Variants in PGLYRP2 observed in about 807,000 individuals in gnomAD.
PGLYRP2 encodes peptidoglycan recognition protein 2, also known as N-acetylmuramoyl-L-alanine amidase.
A neutral mutation model predicts 46.2 loss-of-function variants in PGLYRP2; 38 were observed. The ratio of observed to expected loss-of-function variants is 0.82; its 90% CI spans 0.64 to 1.08. PGLYRP2 has a LOEUF of 1.08. Among genes scored for constraint, PGLYRP2 ranks in the 50% least tolerant of loss-of-function variants. The probability of loss-of-function intolerance (pLI) is 0.00; values close to 1 mark genes in which losing one functional copy is unlikely to be tolerated. For synonymous variants in PGLYRP2, 289 were observed against 329.4 expected (o/e 0.88, Z 1.33); for missense variants, 713 against 755.9 (o/e 0.94, Z 0.67).
Position 15,479,304 on chromosome 19 carries a change from G to A in PGLYRP2, c.61+7C>T, listed in dbSNP as rs1241188283. ...GTTTGGTCCCAGGACTCTGCCCCCT[G>A]ACTCACCTGTCCCTGGGTCTGACCA... On this transcript the variant is annotated splice_region_variant and intron_variant, in intron 1 of 4. Transcript: ENST00000340880. The A allele has an allele frequency of 1.2e-6, 2 of 1,614,024 alleles. No individual in the cohort carries two copies. The highest frequency in any genetic ancestry group is 1.7e-5 in the Admixed American group (1 of 60,002).
Position 15,469,300 on chromosome 19 carries a change from A to C in PGLYRP2, c.1641+332T>G. ...TAGAGAAGTCATGAAGGCCAGGCTG[A>C]GGTTGTGAGGGCAGAGGGGCTGTTG... On this transcript the variant is annotated intron_variant, in intron 4 of 4. Transcript: ENST00000340880. This position sits in a 1 kb window ranked among gnomAD's most constrained non-coding sequence, Gnocchi z 4.9. The C allele has an allele frequency of 1.6e-6, 1 of 619,096 alleles. No individual in the cohort carries two copies. Among genetic ancestry groups the C allele is most frequent in the Admixed American group, 2.6e-5 (1 of 38,172 alleles). 38.4% of individuals were successfully genotyped at this position (619,096 alleles called of 1,614,324 possible). A position where few individuals can be genotyped will look rare whatever the true frequency, so the allele number is the denominator to read the frequency against.
chr19:15,476,661 T>C (rs1560727), intron 1 of PGLYRP2, 53 bp from the exon 2 acceptor site: 333,743 of 1,413,634 alleles, frequency 0.24, 41,418 homozygotes, highest in African/African-American at 0.39. Flanking sequence ...TGAGCCTCCT[T>C]GTATTGATTC....
chr19:15,475,755 C>T lies in PGLYRP2; in HGVS notation c.915G>A (p.Gly305=). 6.2e-7 allele frequency: 1 copy of T among 1,614,056 alleles called. No homozygotes were observed. The highest frequency in any genetic ancestry group is 1.1e-5 in the South Asian group (1 of 91,086). The change falls in exon 2 of 5, where the codon GGG becomes GGA. Residue 305 remains glycine (G), a synonymous_variant. Coordinates refer to ENST00000340880, the MANE Select transcript of PGLYRP2 (RefSeq NM_052890.4). Reference sequence around the variant, plus strand: ...ACCCTGGGTCTCTGGCCACCCCAGCCCCATAGTACTGGCTCAGCAAGTGGC... The same window carrying T: ...ACCCTGGGTCTCTGGCCACCCCAGCTCCATAGTACTGGCTCAGCAAGTGGC... The part of the protein sequence containing the change: ...SLSHLLSQYY[G]AGVARDPGFR...
intron 3 of PGLYRP2, among the ~76,000 whole-genome samples, chr19:15,471,267 C>A (rs894052336): frequency 6.6e-6 from 1 of 152,082 alleles, no homozygotes; most frequent in Non-Finnish European, 1.5e-5. Context: ...CACCCGCCAT[C>A]ACGCCTGGCT....
chr19:15,470,077 T>C, intron 3 of PGLYRP2, 148 bp from the exon 4 acceptor site: 1 of 807,150 alleles, frequency 1.2e-6, no homozygotes, highest in Non-Finnish European at 1.7e-6. Context: ...TCCAGCTCTG[T>C]TCCACTCTCA....
chr19:15,479,412 C>A lies in PGLYRP2; in HGVS notation c.-41G>T. The A allele has an allele frequency of 6.2e-7, 1 of 1,602,360 alleles. No homozygotes were observed. The highest frequency in any genetic ancestry group is 8.5e-7 in the Non-Finnish European group (1 of 1,172,424). On this transcript the variant is annotated 5_prime_UTR_variant, in exon 1 of 5. Transcript: ENST00000340880. ...GCTTCCAAGGGGTATTTCTGGTTGG[C>A]CTCGGCAGAGAACCTCGGCAGTGCT...
Position 15,475,816 on chromosome 19 carries a change from T to C in PGLYRP2, c.854A>G (p.Tyr285Cys). 4.3e-6 allele frequency: 7 copies of C among 1,613,960 alleles called. No homozygotes were observed. The highest frequency in any genetic ancestry group is 5.9e-6 in the Non-Finnish European group (7 of 1,179,992). Residue 285 changes from tyrosine to cysteine, a missense_variant, in exon 2 of 5, where the codon TAC becomes TGC. Coordinates refer to ENST00000340880, the MANE Select transcript of PGLYRP2 (RefSeq NM_052890.4). ...CCGGGGCTCAGGAGTCCGGCTCAGG[T>C]AGTCTCCAAGGATGACCCCATCCAG... ...GALDGVILGD[Y>C]LSRTPEPRPS... is the part of the protein sequence containing the mutation.
chr19:15,471,950 T>C lies in PGLYRP2; in HGVS notation c.1283A>G (p.Asn428Ser), dbSNP rs1451268785. The C allele has an allele frequency of 2.5e-6, 4 of 1,614,006 alleles. No homozygotes were observed. Among genetic ancestry groups the C allele is most frequent in the African/African-American group, 2.7e-5 (2 of 74,954 alleles). ...PCTDFTRCAA[N>S]MRSMQRYHQD... ...GTGGTAGCGCTGCATGGAGCGCATG[T>C]TGGCTGCGCAGCGCGTGAAGTCCGT... Residue 428 changes from asparagine to serine, a missense_variant, in exon 3 of 5, where the codon AAC becomes AGC. By Grantham distance (46) the Asn-to-Ser change is conservative. Transcript: ENST00000340880.
At chr19:15,474,784 C>G (rs977366858) in intron 2 of PGLYRP2, among the ~76,000 whole-genome samples, 1 of 151,938 alleles carries the variant, frequency 6.6e-6, no homozygotes, top group Non-Finnish European at 1.5e-5. Flanking sequence ...GTCAGGAGAT[C>G]GAGACCACCC....
Position 15,470,282 on chromosome 19 carries a change from TTCCTTCCTTCC to T in PGLYRP2, c.1344-364_1344-354del, listed in dbSNP as rs1568340251. Reference sequence around the variant, plus strand: ...CTTCCTTCCTTCCTTCCTTCCTTCCTTCCTTCCTTCCTTCTTTCTTTCTTTCTTTTTTTGAT... The same window carrying T: ...CTTCCTTCCTTCCTTCCTTCCTTCCTTTCTTTCTTTCTTTCTTTTTTTGAT... On this transcript the variant is annotated intron_variant, in intron 3 of 4. Coordinates refer to ENST00000340880, the MANE Select transcript of PGLYRP2 (RefSeq NM_052890.4). 9.7e-5 allele frequency among the ~76,000 whole-genome samples: 13 copies of T among 134,170 alleles called. No individual in the cohort carries two copies. The East Asian group carries it at 1.0e-3, about 11-fold the overall frequency. 88.0% of individuals were successfully genotyped at this position (134,170 alleles called of 152,430 possible).
At chr19:15,472,164 A>G (rs1221806540) in intron 2 of PGLYRP2, 64 bp from the exon 3 acceptor site, 3 of 1,364,194 alleles carry the variant, frequency 2.2e-6, no homozygotes, top group East Asian at 2.4e-5. Flanking sequence ...CTCCACCCGC[A>G]TTAAAGCGCA....
Position 15,469,329 on chromosome 19 carries a change from G to T in PGLYRP2, c.1641+303C>A. Reference sequence around the variant, plus strand: ...TGTGAGGGCAGAGGGGCTGTTGGCAGGTGTCAGGGTCCATGCCTTGGCTGG... The same window carrying T: ...TGTGAGGGCAGAGGGGCTGTTGGCATGTGTCAGGGTCCATGCCTTGGCTGG... On this transcript the variant is annotated intron_variant, in intron 4 of 4. Coordinates refer to ENST00000340880, the MANE Select transcript of PGLYRP2 (RefSeq NM_052890.4). This position sits in a 1 kb window ranked among gnomAD's most constrained non-coding sequence, Gnocchi z 4.9. The T allele has an allele frequency of 1.6e-6, 1 of 640,446 alleles. No individual in the cohort carries two copies. Among genetic ancestry groups the T allele is most frequent in the South Asian group, 1.7e-5 (1 of 57,538 alleles). The allele number at this position is 640,446 out of a possible 1,614,324, so 39.7% of individuals were successfully genotyped here.
At chr19:15,477,322 G>A (rs1460770214) in intron 1 of PGLYRP2, among the ~76,000 whole-genome samples, 1 of 151,268 alleles carries the variant, frequency 6.6e-6, no homozygotes, top group East Asian at 1.9e-4. Context: ...GAACATGGGA[G>A]GTGGAGGTTG....
In PGLYRP2 at chr19:15,475,602, C is replaced by T; in HGVS notation, c.1068G>A (p.Met356Ile). 6.2e-7 allele frequency: 1 copy of T among 1,613,996 alleles called. No homozygotes were observed. Among genetic ancestry groups the T allele is most frequent in the Non-Finnish European group, 8.5e-7 (1 of 1,179,930 alleles). ...LEPVHLQLQC[M>I]SQEQLAQVAA... ...CCACCTGGGCCAGCTGTTCTTGGCT[C>T]ATGCACTGAAGCTGGAGGTGTACTG... The change falls in exon 2 of 5, where the codon ATG becomes ATA. Residue 356 changes from methionine (M) to isoleucine (I), a missense_variant. By Grantham distance (10) the Met-to-Ile change is conservative. Transcript: ENST00000340880.
chr19:15,469,457 CAG>C lies in PGLYRP2; in HGVS notation c.1641+173_1641+174del. 1 of 909,008 alleles carries C rather than the reference CAG, an allele frequency of 1.1e-6. No homozygotes were observed. Among genetic ancestry groups the C allele is most frequent in the Non-Finnish European group, 1.7e-6 (1 of 572,674 alleles). 56.3% of individuals were successfully genotyped at this position (909,008 alleles called of 1,614,324 possible). A position where few individuals can be genotyped will look rare whatever the true frequency, so the allele number is the denominator to read the frequency against. Reference sequence around the variant, plus strand: ...GTCACAGGATCAGGGATGTTGCCCGCAGAGTGACCCGCAAAGGCTGGGCCTAG... The same window carrying C: ...GTCACAGGATCAGGGATGTTGCCCGCAGTGACCCGCAAAGGCTGGGCCTAG... On this transcript the variant is annotated intron_variant, in intron 4 of 4. Coordinates refer to ENST00000340880, the MANE Select transcript of PGLYRP2 (RefSeq NM_052890.4). This position sits in a 1 kb window ranked among gnomAD's most constrained non-coding sequence, Gnocchi z 4.9.
intron 3 of PGLYRP2, among the ~76,000 whole-genome samples, chr19:15,471,518 C>G (rs1970748840): frequency 6.6e-6 from 1 of 152,012 alleles, no homozygotes; most frequent in Admixed American, 6.6e-5. Flanking sequence ...CCTCTCTTCT[C>G]AGCCTCCCAA....
Position 15,475,931 on chromosome 19 carries a change from C to A in PGLYRP2, c.739G>T (p.Gly247Cys). Residue 247 changes from glycine to cysteine, a missense_variant, in exon 2 of 5, where the codon GGC (glycine) becomes TGC (cysteine). Physicochemically the swap from Gly to Cys is radical, Grantham distance 159. Coordinates refer to ENST00000340880, the MANE Select transcript of PGLYRP2 (RefSeq NM_052890.4). ...TQSHPDLGTE[G>C]CWDQLSAPRT... ...GGGGCAGAGAGCTGGTCCCAGCAGC[C>A]CTCAGTTCCCAGGTCTGGATGGCTC... The A allele has an allele frequency of 1.2e-6, 2 of 1,614,100 alleles. No homozygotes were observed. The highest frequency in any genetic ancestry group is 1.7e-6 in the Non-Finnish European group (2 of 1,180,016).
At position 15,469,138 on chromosome 19, in the gene PGLYRP2, A is replaced by G. The variant is rs1970719059; in HGVS notation, c.1642-386T>C. Reference sequence around the variant, plus strand: ...ATTGCAACACAGGATTAAGGACTGGACAGAGGTTGTGAAGGCAAAAGGTCA... The same window carrying G: ...ATTGCAACACAGGATTAAGGACTGGGCAGAGGTTGTGAAGGCAAAAGGTCA... On this transcript the variant is annotated intron_variant, in intron 4 of 4. Transcript: ENST00000340880. This position sits in a 1 kb window ranked among gnomAD's most constrained non-coding sequence, Gnocchi z 4.9. The G allele has an allele frequency of 2.1e-5, 12 of 566,154 alleles. No individual in the cohort carries two copies. The East Asian group carries it at 3.5e-4, about 16-fold the overall frequency. The allele number at this position is 566,154 out of a possible 1,614,324, so 35.1% of individuals were successfully genotyped here.
Position 15,469,772 on chromosome 19 carries a change from C to G in PGLYRP2, c.1501G>C (p.Asp501His), listed in dbSNP as rs766167788. ...PTEAALRTVR[D>H]TLPSCAVRAG... Reference sequence around the variant, plus strand: ...CGCACCGCACAACTCGGGAGCGTGTCGCGCACCGTGCGCAGAGCGGCCTCG... The same window carrying G: ...CGCACCGCACAACTCGGGAGCGTGTGGCGCACCGTGCGCAGAGCGGCCTCG... The change falls in exon 4 of 5, where the codon GAC becomes CAC. Residue 501 changes from aspartate to histidine, a missense_variant. Transcript: ENST00000340880. The surrounding 1 kb of genome is among the most constrained non-coding windows in gnomAD (Gnocchi z 4.9). The G allele has an allele frequency of 6.6e-7, 1 of 1,508,616 alleles. No homozygotes were observed. The highest frequency in any genetic ancestry group is 1.4e-5 in the African/African-American group (1 of 70,166). The allele number at this position is 1,508,616 out of a possible 1,614,324, so 93.5% of individuals were successfully genotyped here. A position where few individuals can be genotyped will look rare whatever the true frequency, so the allele number is the denominator to read the frequency against.
Sources: gnomAD v4.1 joint callset for allele counts (sites outside exome capture counted in the v4.1 genomes callset) on GRCh38, gnomAD v4.1.1 for gene constraint, Gnocchi (gnomAD v3.1) non-coding constraint, MANE v1.5 for transcripts, NCBI Gene and HGNC (gene_info 2026-07-23, HGNC 2026-07-21) for gene names.